The following SNTG1 variants were observed in gnomAD, a reference collection of about 807,000 sequenced individuals.
SNTG1 encodes the protein syntrophin gamma 1, also known as gamma-1-syntrophin.
Under a neutral mutation model 74.7 loss-of-function variants are expected in SNTG1, and 39 were observed. The observed-to-expected ratio is 0.52, with a 90% CI of 0.40 to 0.68. SNTG1 has a LOEUF of 0.68. SNTG1 is among the 30% of genes least tolerant of loss of function. The pLI is 0.00. For missense variants in SNTG1, 685 were observed against 609.5 expected, an observed-to-expected ratio of 1.12 and a Z score of -1.30; for synonymous variants, 254 against 217.1, an observed-to-expected ratio of 1.17 and a Z score of -1.49.
chr8:50,122,539 G>A (rs1356093390), intron 1 of SNTG1, among the ~76,000 whole-genome samples: 1 of 141,898 alleles, frequency 7.0e-6, no homozygotes, highest in East Asian at 2.0e-4. Context: ...TTGAGGAGGA[G>A]GATGACATTG....
At chr8:50,486,125 G>C (rs1199277608) in intron 8 of SNTG1, among the ~76,000 whole-genome samples, 2 of 109,366 alleles carry the variant, frequency 1.8e-5, no homozygotes, top group Admixed American at 9.3e-5. Flanking sequence ...TTGACTTGGC[G>C]ATGCAGGCTC....
At chr8:50,641,736 G>A (rs1199737605) in intron 13 of SNTG1, among the ~76,000 whole-genome samples, 1 of 152,160 alleles carries the variant, frequency 6.6e-6, no homozygotes, top group African/African-American at 2.4e-5. Context: ...ATTTGACACA[G>A]CTAGTCGCTT....
chr8:50,022,683 T>C, intron 1 of SNTG1, among the ~76,000 whole-genome samples: 1 of 152,200 alleles, frequency 6.6e-6, no homozygotes, highest in Admixed American at 6.5e-5. Context: ...TGCTCAGGAC[T>C]GCTTACTGTC....
At position 49,997,356 on chromosome 8, in the gene SNTG1, G is replaced by A. The variant is rs569296640; in HGVS notation, c.-103+85125G>A. On this transcript the variant is annotated intron_variant, in intron 1 of 18. Transcript: ENST00000642720. ...ATGCCTTCATAGATTATTCCCATAA[G>A]TATATAAATATATTGTTATTTTTTC... is the stretch of plus-strand genomic sequence containing the variant. Among the ~76,000 whole-genome samples, 4 of 151,944 alleles carry A rather than the reference G, an allele frequency of 2.6e-5. No homozygotes were observed. In the South Asian group the frequency reaches 8.3e-4, roughly 32 times the overall value.
intron 13 of SNTG1, among the ~76,000 whole-genome samples, chr8:50,595,516 T>C (rs904608238): frequency 6.6e-6 from 1 of 152,088 alleles, no homozygotes; most frequent in East Asian, 1.9e-4. Flanking sequence ...GGAAAAGTGT[T>C]ATTCAAATAA....
intron 1 of SNTG1, among the ~76,000 whole-genome samples, chr8:49,983,100 T>C (rs1488045101): frequency 6.6e-6 from 1 of 152,204 alleles, no homozygotes; most frequent in Non-Finnish European, 1.5e-5. Flanking sequence ...TATACCACAG[T>C]CATTTCATGG....
intron 2 of SNTG1, among the ~76,000 whole-genome samples, chr8:50,329,841 G>A (rs1258578686): frequency 6.6e-6 from 1 of 151,698 alleles, no homozygotes; most frequent in East Asian, 1.9e-4. Flanking sequence ...TCGTCAGGTT[G>A]CAAATTTTCC....
At chr8:50,479,073 G>A (rs1165760956) in intron 8 of SNTG1, among the ~76,000 whole-genome samples, 4 of 152,016 alleles carry the variant, frequency 2.6e-5, no homozygotes, top group African/African-American at 4.8e-5. Flanking sequence ...GATGCAATGC[G>A]GAGAGATTAA....
At chr8:50,571,321 C>T (rs527252720) in intron 12 of SNTG1, among the ~76,000 whole-genome samples, 5 of 152,290 alleles carry the variant, frequency 3.3e-5, no homozygotes, top group East Asian at 1.9e-4. Flanking sequence ...CCTCCTGTCC[C>T]GGGCTCAAGA....
At chr8:50,702,548 T>C (rs2095429744) in intron 15 of SNTG1, among the ~76,000 whole-genome samples, 1 of 152,218 alleles carries the variant, frequency 6.6e-6, no homozygotes. Flanking sequence ...TCTAACATTT[T>C]GGGTGTTTAA....
chr8:50,154,425 A>G (rs1210994995), intron 1 of SNTG1, among the ~76,000 whole-genome samples: 1 of 152,068 alleles, frequency 6.6e-6, no homozygotes, highest in Non-Finnish European at 1.5e-5. Flanking sequence ...TCGGTGGGCT[A>G]CATCCACTGT....
intron 2 of SNTG1, among the ~76,000 whole-genome samples, chr8:50,340,750 A>G (rs1179241880): frequency 3.3e-5 from 5 of 151,918 alleles, no homozygotes; most frequent in African/African-American, 1.2e-4. Context: ...AAAATTAAAA[A>G]CTTAATTTTC....
At chr8:50,030,986 T>A (rs1334960310) in intron 1 of SNTG1, among the ~76,000 whole-genome samples, 3 of 152,084 alleles carry the variant, frequency 2.0e-5, no homozygotes, top group Admixed American at 2.0e-4. Flanking sequence ...ATTTTTTAAT[T>A]TAGTTCTTAT....
chr8:50,237,279 C>T (rs1003317601), intron 2 of SNTG1, among the ~76,000 whole-genome samples: 2 of 152,026 alleles, frequency 1.3e-5, no homozygotes, highest in Non-Finnish European at 2.9e-5. Flanking sequence ...CTATATATTT[C>T]CTGCTTATTT....
intron 1 of SNTG1, among the ~76,000 whole-genome samples, chr8:50,034,959 C>A (rs981346567): frequency 3.9e-5 from 6 of 152,138 alleles, no homozygotes; most frequent in African/African-American, 1.2e-4. Context: ...ACCCAATTTC[C>A]AGCAGCGGGA....
intron 1 of SNTG1, among the ~76,000 whole-genome samples, chr8:50,105,336 G>A (rs868718125): frequency 1.3e-5 from 2 of 152,074 alleles, no homozygotes; most frequent in South Asian, 2.1e-4. Flanking sequence ...TCAGATGGTT[G>A]TAGGTGTGTA....
chr8:49,969,159 GA>G (rs1811410137), intron 1 of SNTG1, among the ~76,000 whole-genome samples: 2 of 152,040 alleles, frequency 1.3e-5, no homozygotes. Context: ...CTTCTGCATT[GA>G]TTATTTTTCT....
chr8:50,487,697 G>GA (rs1012179372), intron 8 of SNTG1, among the ~76,000 whole-genome samples: 306 of 25,026 alleles, frequency 0.012, 1 homozygote, highest in Non-Finnish European at 0.017. Context: ...TGGGGTCGGA[G>GA]GGGGGGGAGG....
chr8:50,707,038 A>G (rs2095445555), intron 16 of SNTG1, among the ~76,000 whole-genome samples: 1 of 152,014 alleles, frequency 6.6e-6, no homozygotes, highest in African/African-American at 2.4e-5. Flanking sequence ...AATATTAAAC[A>G]TATTAACTAT....
Sources: allele counts gnomAD v4.1 joint callset (sites outside exome capture counted in the v4.1 genomes callset), GRCh38; gene constraint gnomAD v4.1.1; transcripts MANE v1.5; gene names NCBI Gene and HGNC (gene_info 2026-07-23, HGNC 2026-07-21).